Variants in COL12A1 observed in about 807,000 individuals in gnomAD.
The protein encoded by COL12A1 is collagen type XII alpha 1 chain.
In COL12A1, 114 loss-of-function variants were observed where a neutral mutation model predicts 349.7. The ratio of observed to expected loss-of-function variants is 0.33; its 90% CI spans 0.28 to 0.38. COL12A1 has a LOEUF of 0.38. Among genes scored for constraint, COL12A1 ranks in the 10% least tolerant of loss-of-function variants. COL12A1 has a pLI of 1.00. For missense variants in COL12A1, 3,284 were observed against 3,756.9 expected, an observed-to-expected ratio of 0.87 and a Z score of 3.29; for synonymous variants, 1,369 against 1,329.0, an observed-to-expected ratio of 1.03 and a Z score of -0.66.
At chr6:75,188,924 T>C (rs995277667) in intron 7 of COL12A1, among the ~76,000 whole-genome samples, 2 of 152,042 alleles carry the variant, frequency 1.3e-5, no homozygotes, top group African/African-American at 4.8e-5. Context: ...TTAATGATAA[T>C]ACAAGGAGGA....
At chr6:75,117,299 C>G in intron 47 of COL12A1, 83 bp downstream of exon 47, 6 of 1,397,164 alleles carry the variant, frequency 4.3e-6, no homozygotes, top group Non-Finnish European at 5.9e-6. Context: ...CAGACTTGAT[C>G]CCACAAAGGA....
chr6:75,152,606 A>C, intron 17 of COL12A1, 124 bp from the exon 18 acceptor site: 10 of 993,648 alleles, frequency 1.0e-5, no homozygotes, highest in South Asian at 1.5e-5. Flanking sequence ...GGTCTAGCTC[A>C]GTGATGTGGA....
In COL12A1 at chr6:75,189,679, T is replaced by C. The variant is rs765455136; in HGVS notation, c.531A>G (p.Thr177=). The C allele has an allele frequency of 1.9e-6, 3 of 1,613,448 alleles. No homozygotes were observed. In the East Asian group the frequency reaches 6.7e-5, roughly 36 times the overall value. ...VSAFDIGEEK[T]RVGVVQYSSD... is the part of the protein sequence containing the mutation. ...AGCTGTATTGAACAACTCCAACTCT[T>C]GTCTTCTCTTCCCCAATGTCAAAAG... Residue 177 remains threonine (T), a synonymous_variant, in exon 6 of 66, where the codon ACA becomes ACG. Transcript: ENST00000322507.
intron 51 of COL12A1, 65 bp from the exon 52 acceptor site, chr6:75,109,232 G>GTCAGCTATGCAGATCAGA: frequency 1.7e-5 from 19 of 1,133,412 alleles, no homozygotes; most frequent in Non-Finnish European, 2.3e-5. Context: ...ACTCTGCATA[G>GTCAGCTATGCAGATCAGA]TTTAGATCAG....
intron 1 of COL12A1, among the ~76,000 whole-genome samples, chr6:75,203,384 C>T (rs1770626778): frequency 6.6e-6 from 1 of 152,154 alleles, no homozygotes; most frequent in Non-Finnish European, 1.5e-5. Context: ...CCAGCTGAAA[C>T]CTGACCCTCC....
At chr6:75,126,257 A>G in intron 39 of COL12A1, 94 bp downstream of exon 39, 1 of 1,415,778 alleles carries the variant, frequency 7.1e-7, no homozygotes, top group South Asian at 1.4e-5. Context: ...CTGAACTCTC[A>G]GGAGAACCCA....
chr6:75,192,409 A>C, intron 3 of COL12A1, 54 bp from the exon 4 acceptor site: 1 of 1,477,004 alleles, frequency 6.8e-7, no homozygotes, highest in Non-Finnish European at 9.4e-7. Context: ...TTCACATATA[A>C]CACAATACAT....
At chr6:75,131,307 A>G (rs1766290956) in intron 35 of COL12A1, among the ~76,000 whole-genome samples, 1 of 152,236 alleles carries the variant, frequency 6.6e-6, no homozygotes. Flanking sequence ...ATACACAAGA[A>G]TAGGAACTCT....
chr6:75,117,474 C>T lies in COL12A1; in HGVS notation c.7427G>A (p.Ser2476Asn), dbSNP rs2149363607. Residue 2476 changes from serine to asparagine, a missense_variant, in exon 47 of 66, where the codon AGT becomes AAT. Coordinates refer to ENST00000322507, the MANE Select transcript of COL12A1 (RefSeq NM_004370.6). ...GTCCACAATGAACACGTGCCGTTCA[C>T]TTGGTTTGCTGGCAATGTTGGCAAG... Reference protein sequence around the residue: ...NELANIASKPSERHVFIVDDF... With the variant: ...NELANIASKPNERHVFIVDDF... 1 of 1,613,746 alleles carries T rather than the reference C, an allele frequency of 6.2e-7. No individual in the cohort carries two copies. Among genetic ancestry groups the T allele is most frequent in the Non-Finnish European group, 8.5e-7 (1 of 1,179,706 alleles).
rs1252173674 is a variant in COL12A1 at position 75,125,223 on chromosome 6, A to G, written c.6511T>C (p.Leu2171=). The change falls in exon 40 of 66, where the codon TTA becomes CTA. Residue 2171 remains leucine (L), a synonymous_variant. Coordinates refer to ENST00000322507, the MANE Select transcript of COL12A1 (RefSeq NM_004370.6). ...AFVGEMTSYT[L]HNLNPSTTYD... ...GTGGTGCTGGGATTGAGATTGTGTA[A>G]GGTATATGATGTCATTTCTCCAACA... 11 of 1,611,816 alleles carry G rather than the reference A, an allele frequency of 6.8e-6. No individual in the cohort carries two copies. Among genetic ancestry groups the G allele is most frequent in the Non-Finnish European group, 9.3e-6 (11 of 1,178,738 alleles).
intron 44 of COL12A1, among the ~76,000 whole-genome samples, chr6:75,120,599 C>A (rs1582081556): frequency 6.6e-6 from 1 of 152,024 alleles, no homozygotes; most frequent in African/African-American, 2.4e-5. Flanking sequence ...GCAATATAGA[C>A]AAAATAATTC....
chr6:75,137,624 G>T (rs1766689187), intron 30 of COL12A1, 45 bp from the exon 31 acceptor site: 6 of 1,606,786 alleles, frequency 3.7e-6, no homozygotes, highest in Non-Finnish European at 5.1e-6. Flanking sequence ...ACAGAACAAT[G>T]CCTCCCCCTA....
In COL12A1 at chr6:75,189,675, C is replaced by G. The variant is rs1769824927; in HGVS notation, c.535G>C (p.Val179Leu). 6.2e-7 allele frequency: 1 copy of G among 1,613,426 alleles called. No homozygotes were observed. Residue 179 changes from valine to leucine, a missense_variant, in exon 6 of 66, where the codon GTT becomes CTT. By Grantham distance (32) the Val-to-Leu change is conservative (BLOSUM62 1). Coordinates refer to ENST00000322507, the MANE Select transcript of COL12A1 (RefSeq NM_004370.6). ...AFDIGEEKTR[V>L]GVVQYSSDTR... is the part of the protein sequence containing the mutation. ...TCAGAGCTGTATTGAACAACTCCAA[C>G]TCTTGTCTTCTCTTCCCCAATGTCA...
chr6:75,143,272 G>A lies in COL12A1; in HGVS notation c.4807C>T (p.Pro1603Ser), dbSNP rs200034130. ...CCTACCTCTTTGACATCCTCTTCTG[G>A]TGTTTTGTATCGAACAATATATTTA... is the stretch of plus-strand genomic sequence containing the variant. ...VRKYIVRYKTPEEDVKEVEVD... is the reference protein window; with the variant it reads ...VRKYIVRYKTSEEDVKEVEVD... The change falls in exon 26 of 66, where the codon CCA (proline) becomes TCA (serine). Residue 1603 changes from proline to serine, a missense_variant. Pro to Ser is a moderately conservative substitution (Grantham distance 74, BLOSUM62 -1). Transcript: ENST00000322507. The A allele has an allele frequency of 1.9e-6, 3 of 1,613,696 alleles. No individual in the cohort carries two copies. The East Asian group carries it at 6.7e-5, about 36-fold the overall frequency.
At chr6:75,169,929 A>C (rs1405125697) in intron 13 of COL12A1, among the ~76,000 whole-genome samples, 1 of 152,202 alleles carries the variant, frequency 6.6e-6, no homozygotes, top group East Asian at 1.9e-4. Context: ...CATCTATTCA[A>C]AAGCCATTTT....
intron 10 of COL12A1, 83 bp downstream of exon 10, chr6:75,182,967 T>C (rs1769393752): frequency 6.8e-7 from 1 of 1,473,008 alleles, no homozygotes; most frequent in South Asian, 1.4e-5. Flanking sequence ...TAAGAAGAAT[T>C]GAACAAGCAT....
At chr6:75,174,895 T>G in intron 13 of COL12A1, 143 bp downstream of exon 13, 1 of 956,128 alleles carries the variant, frequency 1.0e-6, no homozygotes, top group South Asian at 1.7e-5. Context: ...GAGAGCTTTA[T>G]GGTTATTTGT....
intron 64 of COL12A1, among the ~76,000 whole-genome samples, chr6:75,088,089 T>A (rs1767590348): frequency 6.6e-6 from 1 of 152,202 alleles, no homozygotes; most frequent in African/African-American, 2.4e-5. Context: ...GCAGCTACAT[T>A]GAGCTGCCAT....
At chr6:75,174,700 C>G (rs144476673) in intron 13 of COL12A1, among the ~76,000 whole-genome samples, 92 of 152,246 alleles carry the variant, frequency 6.0e-4, no homozygotes, top group African/African-American at 2.2e-3. Flanking sequence ...CAATCCAAAC[C>G]TTTTTTCATA....
Sources: gnomAD v4.1 joint callset for allele counts (sites outside exome capture counted in the v4.1 genomes callset) on GRCh38, gnomAD v4.1.1 for gene constraint, MANE v1.5 for transcripts, NCBI Gene and HGNC (gene_info 2026-07-23, HGNC 2026-07-21) for gene names.